The following NRG2 variants were observed in gnomAD, a reference collection of about 807,000 sequenced individuals.
NRG2 encodes the protein neuregulin 2.
In NRG2, 27 loss-of-function variants were observed where a neutral mutation model predicts 73.9. That is an observed-to-expected ratio of 0.37 (90% confidence interval 0.27 to 0.50). The LOEUF (loss-of-function observed/expected upper bound fraction) is 0.50. Ranked by LOEUF, NRG2 falls within the 20% of genes least tolerant of loss-of-function variation. The pLI, the probability that NRG2 is intolerant of heterozygous loss-of-function variation, is 0.96. For missense variants in NRG2, 1,126 were observed against 1,210.1 expected (o/e 0.93, Z 1.03); for synonymous variants, 532 against 541.0 (o/e 0.98, Z 0.23).
intron 6 of NRG2, among the ~76,000 whole-genome samples, chr5:139,854,786 G>A (rs1292203728): frequency 3.9e-5 from 6 of 152,156 alleles, no homozygotes; most frequent in Admixed American, 1.3e-4. Flanking sequence ...CACATCAGAA[G>A]GTCATAGGGC....
chr5:140,042,863 T>C lies in NRG2; in HGVS notation c.207A>G (p.Gln69=). 6.6e-7 allele frequency: 1 copy of C among 1,506,244 alleles called. No individual in the cohort carries two copies. Among genetic ancestry groups the C allele is most frequent in the South Asian group, 1.2e-5 (1 of 80,904 alleles). 93.3% of individuals were successfully genotyped at this position (1,506,244 alleles called of 1,614,324 possible). Residue 69 remains glutamine (Q), a synonymous_variant, in exon 1 of 10, where the codon CAA becomes CAG. Coordinates refer to ENST00000361474, the MANE Select transcript of NRG2 (RefSeq NM_004883.3). The part of the protein sequence containing the change: ...PAAPPEPRPQ[Q]QPQPRSPAAR... Reference sequence around the variant, plus strand: ...CTGCGGGGCTGCGGGGCTGCGGCTGTTGCTGCGGCCGCGGCTCTGGGGGCG... The same window carrying C: ...CTGCGGGGCTGCGGGGCTGCGGCTGCTGCTGCGGCCGCGGCTCTGGGGGCG...
intron 1 of NRG2, among the ~76,000 whole-genome samples, chr5:139,991,135 A>G (rs1239708524): frequency 6.6e-6 from 1 of 151,950 alleles, no homozygotes; most frequent in Non-Finnish European, 1.5e-5. Flanking sequence ...TTAACCTGGC[A>G]TGGTGTGGGG....
intron 1 of NRG2, among the ~76,000 whole-genome samples, chr5:139,976,628 A>G (rs369888453): frequency 1.3e-5 from 2 of 152,348 alleles, no homozygotes; most frequent in South Asian, 2.1e-4. Flanking sequence ...AGAAAGTCAG[A>G]GCCAGAAGAG....
In NRG2 at chr5:139,848,147, A is replaced by C; in HGVS notation, c.2323T>G (p.Ser775Ala). ...TCGTCCGCGTCGTCGTCCGACGCCG[A>C]GGCTGAGCCGCCGCCCGAGCCGCTG... ...LSSGSGGGSA[S>A]ASDDDADDAD... The change falls in exon 10 of 10, where the codon TCG (serine) becomes GCG (alanine). Residue 775 changes from serine (S) to alanine (A), a missense_variant. Around this residue, in one of 3 missense-constraint regions of NRG2, gnomAD observed 402 missense variants for 357.8 expected, o/e 1.12. Transcript: ENST00000361474. 6.9e-7 allele frequency: 1 copy of C among 1,454,040 alleles called. No individual in the cohort carries two copies. The highest frequency in any genetic ancestry group is 1.5e-5 in the African/African-American group (1 of 67,442). 90.1% of individuals were successfully genotyped at this position (1,454,040 alleles called of 1,614,324 possible). A position where few individuals can be genotyped will look rare whatever the true frequency, so the allele number is the denominator to read the frequency against.
chr5:139,910,041 G>A (rs954505580), intron 1 of NRG2, among the ~76,000 whole-genome samples: 1 of 152,186 alleles, frequency 6.6e-6, no homozygotes, highest in Non-Finnish European at 1.5e-5. Context: ...GGGCTGTATC[G>A]GCTGGATAAA....
intron 1 of NRG2, chr5:140,019,351 C>G (rs1760039469): frequency 6.6e-6 from 1 of 152,282 alleles, no homozygotes; most frequent in Non-Finnish European, 1.5e-5. Flanking sequence ...ACCACAGAAC[C>G]CTTCAAAGAA....
At chr5:140,005,349 G>A (rs562169134) in intron 1 of NRG2, among the ~76,000 whole-genome samples, 13 of 152,270 alleles carry the variant, frequency 8.5e-5, no homozygotes, top group Admixed American at 1.3e-4. Context: ...ACTAGAAGCT[G>A]GTGCTTCCCC....
intron 1 of NRG2, among the ~76,000 whole-genome samples, chr5:139,982,328 T>C (rs1400195992): frequency 6.6e-6 from 1 of 152,086 alleles, no homozygotes; most frequent in Non-Finnish European, 1.5e-5. Context: ...CACATTCCCC[T>C]CACTCCTAAA....
At chr5:139,957,551 G>C (rs532027292) in intron 1 of NRG2, among the ~76,000 whole-genome samples, 1 of 152,186 alleles carries the variant, frequency 6.6e-6, no homozygotes, top group Non-Finnish European at 1.5e-5. Flanking sequence ...TGGGAGTCCA[G>C]TGTTCTTTCC....
chr5:140,001,731 C>T (rs922746035), intron 1 of NRG2, among the ~76,000 whole-genome samples: 22 of 151,654 alleles, frequency 1.5e-4, no homozygotes, highest in African/African-American at 5.3e-4. Flanking sequence ...GACATAGTGC[C>T]ATGTACCTGC....
chr5:140,027,501 A>G (rs937663836), intron 1 of NRG2, among the ~76,000 whole-genome samples: 2 of 152,228 alleles, frequency 1.3e-5, no homozygotes, highest in African/African-American at 4.8e-5. Context: ...AGAAGTATAT[A>G]GTAGTCCCCC....
At chr5:139,872,879 G>C (rs1762952223) in intron 3 of NRG2, among the ~76,000 whole-genome samples, 1 of 152,164 alleles carries the variant, frequency 6.6e-6, no homozygotes, top group Admixed American at 6.5e-5. Context: ...CCAGAAGCAG[G>C]TCCTGCTCCC....
chr5:139,872,674 G>T (rs965784213), intron 3 of NRG2, among the ~76,000 whole-genome samples: 1 of 152,120 alleles, frequency 6.6e-6, no homozygotes, highest in Non-Finnish European at 1.5e-5. Context: ...GTGCAAAACT[G>T]GGGGAGAGCA....
intron 5 of NRG2, 30 bp from the exon 6 acceptor site, chr5:139,855,808 G>A: frequency 5.1e-6 from 8 of 1,557,742 alleles, no homozygotes; most frequent in Non-Finnish European, 6.2e-6. Context: ...GTGAGGGGTG[G>A]GGCAGGAGGC....
intron 1 of NRG2, among the ~76,000 whole-genome samples, chr5:139,978,530 A>G (rs1756544881): frequency 1.3e-5 from 2 of 152,314 alleles, no homozygotes; most frequent in Admixed American, 6.5e-5. Context: ...TGTGGAAGTC[A>G]GTGTGGCGAT....
intron 1 of NRG2, among the ~76,000 whole-genome samples, chr5:140,029,650 T>C (rs1165797313): frequency 2.4e-5 from 3 of 126,146 alleles, no homozygotes; most frequent in Non-Finnish European, 5.1e-5. Context: ...ATCGTACCAC[T>C]GCACTCCAGC....
At chr5:140,024,613 T>G (rs1351466230) in intron 1 of NRG2, among the ~76,000 whole-genome samples, 1 of 152,186 alleles carries the variant, frequency 6.6e-6, no homozygotes, top group Non-Finnish European at 1.5e-5. Context: ...ACGATCCTCA[T>G]TTTTTGATCA....
intron 1 of NRG2, among the ~76,000 whole-genome samples, chr5:139,898,652 A>G (rs1764697218): frequency 6.6e-6 from 1 of 152,176 alleles, no homozygotes; most frequent in African/African-American, 2.4e-5. Flanking sequence ...CTACTGCAGG[A>G]GCTCCTGACT....
rs1762773864 is a variant in NRG2, at chr5:139,870,569, C to T, written c.1112+1152G>A. Reference sequence around the variant, plus strand: ...TGAGAAGTGTTGAGTCTGACCTTGCCTGGGGGAAGGTCAAACATCTCTCTC... The same window carrying T: ...TGAGAAGTGTTGAGTCTGACCTTGCTTGGGGGAAGGTCAAACATCTCTCTC... On this transcript the variant is annotated intron_variant, in intron 4 of 9. Coordinates refer to ENST00000361474, the MANE Select transcript of NRG2 (RefSeq NM_004883.3). The surrounding 1 kb of genome is among the most constrained non-coding windows in gnomAD (Gnocchi z 4.4). 6.6e-6 allele frequency among the ~76,000 whole-genome samples: 1 copy of T among 152,188 alleles called. No individual in the cohort carries two copies. Among genetic ancestry groups the T allele is most frequent in the Non-Finnish European group, 1.5e-5 (1 of 68,026 alleles).
Sources: gnomAD v4.1 joint callset for allele counts (sites outside exome capture counted in the v4.1 genomes callset) on GRCh38, gnomAD v4.1.1 for gene constraint, gnomAD v4.1.1 regional missense constraint, Gnocchi (gnomAD v3.1) non-coding constraint, MANE v1.5 for transcripts, NCBI Gene and HGNC (gene_info 2026-07-23, HGNC 2026-07-21) for gene names.